The following MYO1D variants were observed in gnomAD, a reference collection of about 807,000 sequenced individuals.
MYO1D encodes myosin ID.
Under a neutral mutation model 122.0 loss-of-function variants are expected in MYO1D, and 83 were observed. The observed-to-expected ratio is 0.68, with a 90% CI of 0.57 to 0.82. The LOEUF (loss-of-function observed/expected upper bound fraction) is 0.82, where lower values mean the gene tolerates loss of function less well. MYO1D is among the 40% of genes least tolerant of loss of function. MYO1D has a pLI of 0.00. For missense variants in MYO1D, 1,157 were observed against 1,269.5 expected (o/e 0.91, Z 1.35); for synonymous variants, 464 against 446.9 (o/e 1.04, Z -0.48).
chr17:32,562,215 G>A (rs2087132549), intron 21 of MYO1D, among the ~76,000 whole-genome samples: 1 of 151,750 alleles, frequency 6.6e-6, no homozygotes, highest in African/African-American at 2.4e-5. Flanking sequence ...AGGCTGATAC[G>A]CTCGTTCTTT....
chr17:32,656,440 C>A (rs1567933053), intron 17 of MYO1D, among the ~76,000 whole-genome samples: 1 of 152,188 alleles, frequency 6.6e-6, no homozygotes, highest in Non-Finnish European at 1.5e-5. Context: ...GAGAAAACCC[C>A]TCAGAGGGAT....
At chr17:32,822,290 C>A (rs1234825960) in intron 1 of MYO1D, among the ~76,000 whole-genome samples, 2 of 151,026 alleles carry the variant, frequency 1.3e-5, no homozygotes, top group Non-Finnish European at 2.9e-5. Context: ...AACCAAACAC[C>A]GCATGTTCTC....
chr17:32,630,957 C>A (rs2087997616), intron 20 of MYO1D, among the ~76,000 whole-genome samples: 1 of 152,118 alleles, frequency 6.6e-6, no homozygotes, highest in South Asian at 2.1e-4. Context: ...TCCCTCTGTA[C>A]CTATGTTGTA....
intron 21 of MYO1D, among the ~76,000 whole-genome samples, chr17:32,576,479 T>C (rs2087279427): frequency 6.6e-6 from 1 of 152,188 alleles, no homozygotes; most frequent in Non-Finnish European, 1.5e-5. Flanking sequence ...GTGATACATA[T>C]CAATAATGTA....
intron 13 of MYO1D, among the ~76,000 whole-genome samples, chr17:32,740,295 A>G (rs187252271): frequency 4.3e-3 from 660 of 152,296 alleles, no homozygotes; most frequent in Non-Finnish European, 7.0e-3. Context: ...TTTCTACTCC[A>G]AATTCTTTGT....
intron 15 of MYO1D, among the ~76,000 whole-genome samples, chr17:32,714,036 T>C (rs559517253): frequency 2.6e-5 from 4 of 152,152 alleles, no homozygotes; most frequent in East Asian, 1.9e-4. Context: ...TTTTCTCATA[T>C]GTCTTTTCTT....
chr17:32,826,388 T>C (rs1021781768), intron 1 of MYO1D, among the ~76,000 whole-genome samples: 2 of 152,178 alleles, frequency 1.3e-5, no homozygotes, highest in African/African-American at 4.8e-5. Flanking sequence ...TTAAGGCCTA[T>C]GTGGAAAAAA....
chr17:32,662,365 C>G (rs2088577428), intron 16 of MYO1D, among the ~76,000 whole-genome samples: 1 of 152,170 alleles, frequency 6.6e-6, no homozygotes, highest in Admixed American at 6.5e-5. Flanking sequence ...GTTTTCAAAT[C>G]CTGGTCCCAC....
chr17:32,827,703 G>C (rs1333369222), intron 1 of MYO1D, among the ~76,000 whole-genome samples: 1 of 151,926 alleles, frequency 6.6e-6, no homozygotes, highest in East Asian at 1.9e-4. Context: ...TAGAAAAAAA[G>C]ACATCATTAA....
At chr17:32,640,597 T>C (rs1004651892) in intron 19 of MYO1D, among the ~76,000 whole-genome samples, 12 of 149,304 alleles carry the variant, frequency 8.0e-5, no homozygotes, top group Non-Finnish European at 3.0e-5. Flanking sequence ...GTTCTTGCGA[T>C]AGTTTACTGA....
At chr17:32,534,097 A>G (rs987908500) in intron 21 of MYO1D, among the ~76,000 whole-genome samples, 1 of 152,112 alleles carries the variant, frequency 6.6e-6, no homozygotes, top group Non-Finnish European at 1.5e-5. Context: ...TTTTCTTTAT[A>G]AAGTAATTTT....
intron 1 of MYO1D, among the ~76,000 whole-genome samples, chr17:32,840,877 G>T (rs978377855): frequency 1.3e-5 from 2 of 152,076 alleles, no homozygotes; most frequent in Admixed American, 1.3e-4. Context: ...TGATTTTTTT[G>T]ACTTCATAAT....
chr17:32,673,090 CTTTTTTTTTTTT>C (rs60912187), intron 16 of MYO1D, among the ~76,000 whole-genome samples: 2,096 of 28,604 alleles, frequency 0.073, 86 homozygotes, highest in East Asian at 0.32. Context: ...AAACATGCTA[CTTTTTTTTTTTT>C]TTTTTTTTTT....
chr17:32,562,277 C>T (rs1457411184), intron 21 of MYO1D, among the ~76,000 whole-genome samples: 1 of 151,864 alleles, frequency 6.6e-6, no homozygotes, highest in Admixed American at 6.6e-5. Context: ...TAATATTACA[C>T]ACATAAAAAA....
At chr17:32,563,204 CTCTTTTT>C (rs1423960228) in intron 21 of MYO1D, among the ~76,000 whole-genome samples, 85 of 105,140 alleles carry the variant, frequency 8.1e-4, no homozygotes, top group South Asian at 1.3e-3. Flanking sequence ...TTTTTCTTCT[CTCTTTTT>C]TTTTTTTTTT....
chr17:32,655,855 T>C (rs2088469451), intron 17 of MYO1D, among the ~76,000 whole-genome samples: 1 of 152,128 alleles, frequency 6.6e-6, no homozygotes, highest in South Asian at 2.1e-4. Context: ...GAAACACACA[T>C]GCTAGAGTAA....
At chr17:32,543,861 C>T (rs889843403) in intron 21 of MYO1D, among the ~76,000 whole-genome samples, 1 of 152,076 alleles carries the variant, frequency 6.6e-6, no homozygotes, top group East Asian at 1.9e-4. Context: ...GGCATAGTCT[C>T]TGCTCACTGC....
At chr17:32,628,867 A>G (rs1009190241) in intron 20 of MYO1D, among the ~76,000 whole-genome samples, 2 of 152,250 alleles carry the variant, frequency 1.3e-5, no homozygotes, top group Non-Finnish European at 2.9e-5. Context: ...CACAGGATTG[A>G]GCAATAGCAC....
chr17:32,714,655 T>C (rs2089419914), intron 15 of MYO1D, among the ~76,000 whole-genome samples: 1 of 152,124 alleles, frequency 6.6e-6, no homozygotes, highest in South Asian at 2.1e-4. Flanking sequence ...TTCTTATACC[T>C]TATACAAAAA....
Sources: gnomAD v4.1 joint callset for allele counts (sites outside exome capture counted in the v4.1 genomes callset) on GRCh38, gnomAD v4.1.1 for gene constraint, MANE v1.5 for transcripts, NCBI Gene and HGNC (gene_info 2026-07-23, HGNC 2026-07-21) for gene names.